Variants in WASF1 observed in about 807,000 individuals in gnomAD.
The protein encoded by WASF1 is WASP family member 1, also known as actin-binding protein WASF1.
Under a neutral mutation model 50.5 loss-of-function variants are expected in WASF1, and 7 were observed. The observed-to-expected ratio is 0.14, with a 90% CI of 0.08 to 0.26. The LOEUF (loss-of-function observed/expected upper bound fraction) is 0.26. Ranked by LOEUF, WASF1 falls within the 10% of genes least tolerant of loss-of-function variation. The probability of loss-of-function intolerance (pLI) is 1.00; values close to 1 mark genes in which losing one functional copy is unlikely to be tolerated. For missense variants in WASF1, 470 were observed against 694.7 expected (o/e 0.68, Z 3.64); for synonymous variants, 205 against 244.0 (o/e 0.84, Z 1.49).
intron 4 of WASF1, among the ~76,000 whole-genome samples, chr6:110,123,013 G>A (rs1458059014): frequency 1.3e-5 from 2 of 152,028 alleles, no homozygotes; most frequent in Non-Finnish European, 2.9e-5. Context: ...ACTACTTTCT[G>A]TTAAATGATT....
chr6:110,113,234 A>G, intron 5 of WASF1, 92 bp downstream of exon 5: 1 of 1,164,762 alleles, frequency 8.6e-7, no homozygotes, highest in South Asian at 2.7e-5. Flanking sequence ...ATGATCTGTA[A>G]TAAATTCATG....
intron 4 of WASF1, among the ~76,000 whole-genome samples, chr6:110,121,496 G>T (rs879908965): frequency 2.0e-5 from 3 of 152,106 alleles, no homozygotes; most frequent in African/African-American, 4.8e-5. Flanking sequence ...ACCATCTCAT[G>T]CCAGTTAGAA....
At chr6:110,110,735 T>A (rs1773516423) in intron 5 of WASF1, among the ~76,000 whole-genome samples, 2 of 152,100 alleles carry the variant, frequency 1.3e-5, no homozygotes, top group African/African-American at 4.8e-5. Flanking sequence ...TTAAAAAATA[T>A]TTTCAAAATT....
chr6:110,108,431 G>T, intron 6 of WASF1, 97 bp downstream of exon 6: 2 of 1,302,754 alleles, frequency 1.5e-6, no homozygotes, highest in Non-Finnish European at 2.1e-6. Context: ...CTCTGTGTTG[G>T]CTAGAACCCC....
chr6:110,115,090 TTCTC>T (rs967625970), intron 4 of WASF1, among the ~76,000 whole-genome samples: 7 of 149,032 alleles, frequency 4.7e-5, no homozygotes, highest in African/African-American at 1.7e-4. Context: ...AAGTGAGACC[TTCTC>T]TCTCTCTCTC....
At chr6:110,109,827 T>C (rs1159014327) in intron 5 of WASF1, among the ~76,000 whole-genome samples, 1 of 151,998 alleles carries the variant, frequency 6.6e-6, no homozygotes, top group Middle Eastern at 3.2e-3. Flanking sequence ...CCCAAAGTGA[T>C]GGGATTACAG....
chr6:110,124,567 C>T (rs1225132125), intron 4 of WASF1, among the ~76,000 whole-genome samples: 1 of 151,602 alleles, frequency 6.6e-6, no homozygotes, highest in East Asian at 1.9e-4. Context: ...TGGTAATTAC[C>T]TAATACAAAA....
At chr6:110,173,874 T>A (rs1317144058) in intron 2 of WASF1, among the ~76,000 whole-genome samples, 1 of 152,110 alleles carries the variant, frequency 6.6e-6, no homozygotes, top group Non-Finnish European at 1.5e-5. Context: ...GTGACTTGGC[T>A]TAGTAAAAAA....
Position 110,127,638 on chromosome 6 carries a change from A to G in WASF1, c.-28-9T>C. The G allele has an allele frequency of 6.8e-7, 1 of 1,473,260 alleles. No individual in the cohort carries two copies. The highest frequency in any genetic ancestry group is 9.0e-7 in the Non-Finnish European group (1 of 1,112,030). The allele number at this position is 1,473,260 out of a possible 1,614,324, so 91.3% of individuals were successfully genotyped here. A position where few individuals can be genotyped will look rare whatever the true frequency, so the allele number is the denominator to read the frequency against. On this transcript the variant is annotated splice_polypyrimidine_tract_variant and intron_variant, in intron 3 of 10. Transcript: ENST00000392589. ...CCTTTGTGCCAGTTCACCTGTAGGA[A>G]ATCAAAAATAAATTAACAATATTAA...
chr6:110,131,416 T>A (rs962091317), intron 3 of WASF1, among the ~76,000 whole-genome samples: 1 of 152,194 alleles, frequency 6.6e-6, no homozygotes, highest in African/African-American at 2.4e-5. Flanking sequence ...GTGGCACTTT[T>A]GTCATAAATC....
intron 3 of WASF1, among the ~76,000 whole-genome samples, chr6:110,146,823 A>G (rs1432471743): frequency 1.3e-5 from 2 of 152,138 alleles, no homozygotes; most frequent in African/African-American, 4.8e-5. Context: ...AGAAATCATA[A>G]ATTTCCTCTT....
chr6:110,172,505 A>G (rs1776761814), intron 2 of WASF1, among the ~76,000 whole-genome samples: 1 of 152,196 alleles, frequency 6.6e-6, no homozygotes, highest in Non-Finnish European at 1.5e-5. Flanking sequence ...AATCAGTGCC[A>G]CTATTCAAAA....
rs1342017460 is a variant in WASF1 at position 110,102,212 on chromosome 6, C to T, written c.898G>A (p.Ala300Thr). 1 of 1,399,308 alleles carries T rather than the reference C, an allele frequency of 7.1e-7. No homozygotes were observed. Among genetic ancestry groups the T allele is most frequent in the Non-Finnish European group, 9.3e-7 (1 of 1,072,246 alleles). 86.7% of individuals were successfully genotyped at this position (1,399,308 alleles called of 1,614,324 possible). ...AKPIPTCISS[A>T]TGLIENRPQS... ...GGGCGATTTTCTATCAAACCTGTAG[C>T]AGAACTGAAATGACAAAGAGATTCT... is the stretch of plus-strand genomic sequence containing the variant. Residue 300 changes from alanine to threonine, a missense_variant, in exon 10 of 11, where the codon GCT (alanine) becomes ACT (threonine). Coordinates refer to ENST00000392589, the MANE Select transcript of WASF1 (RefSeq NM_003931.3).
rs1430258095 is a variant in WASF1, at chr6:110,135,770, G to A, written c.-28-8141C>T. Among the ~76,000 whole-genome samples, 4 of 133,024 alleles carry A rather than the reference G, an allele frequency of 3.0e-5. No individual in the cohort carries two copies. In the East Asian group the frequency reaches 8.5e-4, roughly 28 times the overall value. The allele number at this position is 133,024 out of a possible 152,430, so 87.3% of individuals were successfully genotyped here. On this transcript the variant is annotated intron_variant, in intron 3 of 10. Transcript: ENST00000392589. ...TTACCAATTACTGGATTTAGTTTGGGTTTGTCATTACTTTTTGGCCTTTTG... is the reference window on the plus strand; with the variant it reads ...TTACCAATTACTGGATTTAGTTTGGATTTGTCATTACTTTTTGGCCTTTTG...
intron 3 of WASF1, 141 bp downstream of exon 3, chr6:110,160,490 CACTT>C (rs749367224): frequency 6.6e-6 from 1 of 151,778 alleles, no homozygotes; most frequent in Admixed American, 6.6e-5. Context: ...TGTCCCTACA[CACTT>C]AATTTTTAAA....
chr6:110,142,516 G>A (rs1424316759), intron 3 of WASF1, among the ~76,000 whole-genome samples: 1 of 151,894 alleles, frequency 6.6e-6, no homozygotes, highest in Non-Finnish European at 1.5e-5. Context: ...GTAAAATAAA[G>A]CCTAATAACT....
At chr6:110,176,930 G>A (rs546342724) in intron 2 of WASF1, among the ~76,000 whole-genome samples, 1 of 152,174 alleles carries the variant, frequency 6.6e-6, no homozygotes, top group Non-Finnish European at 1.5e-5. Context: ...TTTGGTAAAA[G>A]TGCTAATAAC....
At chr6:110,128,893 G>A (rs1217252583) in intron 3 of WASF1, among the ~76,000 whole-genome samples, 1 of 152,192 alleles carries the variant, frequency 6.6e-6, no homozygotes, top group Non-Finnish European at 1.5e-5. Flanking sequence ...CTGCACACGT[G>A]AGGGGTCTAG....
At chr6:110,150,701 T>C (rs1354392316) in intron 3 of WASF1, among the ~76,000 whole-genome samples, 1 of 152,190 alleles carries the variant, frequency 6.6e-6, no homozygotes, top group Admixed American at 6.5e-5. Flanking sequence ...ATTGAAGATT[T>C]TGAACTTTGG....
Sources: gnomAD v4.1 joint callset for allele counts (sites outside exome capture counted in the v4.1 genomes callset) on GRCh38, gnomAD v4.1.1 for gene constraint, MANE v1.5 for transcripts, NCBI Gene and HGNC (gene_info 2026-07-23, HGNC 2026-07-21) for gene names.